Variants in ONECUT3 observed in about 807,000 individuals in gnomAD.
ONECUT3 encodes one cut homeobox 3, also known as one cut domain family member 3.
A neutral mutation model predicts 16.8 loss-of-function variants in ONECUT3; 11 were observed. The ratio of observed to expected loss-of-function variants is 0.66; its 90% CI spans 0.41 to 1.09. ONECUT3 has a LOEUF of 1.09. Ranked by LOEUF, ONECUT3 falls within the 50% of genes least tolerant of loss-of-function variation. The pLI, the probability that ONECUT3 is intolerant of heterozygous loss-of-function variation, is 0.00. For missense variants in ONECUT3, 637 were observed against 629.9 expected (o/e 1.01, Z -0.12); for synonymous variants, 344 against 310.7 (o/e 1.11, Z -1.13).
chr19:1,753,791 C>T lies in ONECUT3; in HGVS notation c.129C>T (p.Arg43=). 1 of 975,490 alleles carries T rather than the reference C, an allele frequency of 1.0e-6. No individual in the cohort carries two copies. Among genetic ancestry groups the T allele is most frequent in the African/African-American group, 1.8e-5 (1 of 56,272 alleles). 60.4% of individuals were successfully genotyped at this position (975,490 alleles called of 1,614,324 possible). A position where few individuals can be genotyped will look rare whatever the true frequency, so the allele number is the denominator to read the frequency against. The stretch of plus-strand genomic sequence containing the variant: ...ACCGCGGCCTGGTGGCGCCCGGGCG[C>T]CCGGGCCTGGTGGCCGGCATGGCGA... ...AQHRGLVAPG[R]PGLVAGMASL... is the part of the protein sequence containing the mutation. Residue 43 remains arginine (R), a synonymous_variant, in exon 1 of 2, where the codon CGC becomes CGT. Coordinates refer to ENST00000382349, the MANE Select transcript of ONECUT3 (RefSeq NM_001080488.2).
Position 1,775,552 on chromosome 19 carries a change from G to A in ONECUT3, c.*107G>A. 2.5e-6 allele frequency: 3 copies of A among 1,182,716 alleles called. No homozygotes were observed. Among genetic ancestry groups the A allele is most frequent in the South Asian group, 1.7e-5 (1 of 57,576 alleles). The allele number at this position is 1,182,716 out of a possible 1,614,324, so 73.3% of individuals were successfully genotyped here. A position where few individuals can be genotyped will look rare whatever the true frequency, so the allele number is the denominator to read the frequency against. On this transcript the variant is annotated 3_prime_UTR_variant, in exon 2 of 2. Transcript: ENST00000382349. ...GGAGACCCGCCCCCAGGGGGCACCT[G>A]GAGGGGGTGCTATCCGGGCCCCCCA... is the stretch of plus-strand genomic sequence containing the variant.
intron 1 of ONECUT3, among the ~76,000 whole-genome samples, chr19:1,763,740 T>TTG (rs1555799421): frequency 0.018 from 2,673 of 148,236 alleles, 78 homozygotes; most frequent in African/African-American, 0.064. Context: ...TTGTTTTTTT[T>TTG]TTTTTTTTAA....
chr19:1,760,890 T>C (rs933595110), intron 1 of ONECUT3, among the ~76,000 whole-genome samples: 1 of 152,148 alleles, frequency 6.6e-6, no homozygotes, highest in African/African-American at 2.4e-5. Flanking sequence ...CCTCTTAGCC[T>C]GAAGTCCTAG....
In ONECUT3 at chr19:1,759,469, G is replaced by A. The variant is rs2067934718; in HGVS notation, c.1192+4615G>A. Among the ~76,000 whole-genome samples the A allele has an allele frequency of 6.6e-6, 1 of 151,892 alleles. No homozygotes were observed. Among genetic ancestry groups the A allele is most frequent in the Non-Finnish European group, 1.5e-5 (1 of 67,936 alleles). On this transcript the variant is annotated intron_variant, in intron 1 of 1. Coordinates refer to ENST00000382349, the MANE Select transcript of ONECUT3 (RefSeq NM_001080488.2). The surrounding 1 kb of genome is among the most constrained non-coding windows in gnomAD (Gnocchi z 4.1). ...ACCCAAACTCTGGATGAAGGGGAGGGATGAGCAGGGAGAGGAGGAGGAGGA... is the reference window on the plus strand; with the variant it reads ...ACCCAAACTCTGGATGAAGGGGAGGAATGAGCAGGGAGAGGAGGAGGAGGA...
rs71174387 is a variant in ONECUT3, at chr19:1,779,984, AC to A, written c.*4546del. 6.7e-5 allele frequency: 10 copies of A among 150,304 alleles called. No homozygotes were observed. The highest frequency in any genetic ancestry group is 8.8e-5 in the Non-Finnish European group (6 of 67,998). 9.3% of individuals were successfully genotyped at this position (150,304 alleles called of 1,614,324 possible). Reference sequence around the variant, plus strand: ...CACTCTGGTGTCATCGATATCTTAGACCCCCCCAACCCCCCATCACCCGGTT... The same window carrying A: ...CACTCTGGTGTCATCGATATCTTAGACCCCCCAACCCCCCATCACCCGGTT... On this transcript the variant is annotated 3_prime_UTR_variant, in exon 2 of 2. Transcript: ENST00000382349.
rs1404596668 is a variant in ONECUT3, at chr19:1,754,494, G to A, written c.832G>A (p.Gly278Arg). Residue 278 changes from glycine (G) to arginine (R), a missense_variant, in exon 1 of 2, where the codon GGG becomes AGG. By Grantham distance (125) the Gly-to-Arg change is moderately radical. Around this residue, in one of 3 missense-constraint regions of ONECUT3, gnomAD observed 419 missense variants for 377.9 expected, o/e 1.11. Transcript: ENST00000382349. The surrounding 1 kb of genome is among the most constrained non-coding windows in gnomAD (Gnocchi z 7.4). ...GGTGSGGAGS[G>R]SAAGLLAPLG... ...CACAGGCAGCGGCGGAGCGGGCAGCGGGAGCGCCGCGGGGCTGCTGGCGCC... is the reference window on the plus strand; with the variant it reads ...CACAGGCAGCGGCGGAGCGGGCAGCAGGAGCGCCGCGGGGCTGCTGGCGCC... 1 of 980,976 alleles carries A rather than the reference G, an allele frequency of 1.0e-6. No homozygotes were observed. Among genetic ancestry groups the A allele is most frequent in the Non-Finnish European group, 1.2e-6 (1 of 828,684 alleles). The allele number at this position is 980,976 out of a possible 1,614,324, so 60.8% of individuals were successfully genotyped here.
rs2068100293 is a variant in ONECUT3, at chr19:1,775,636, T to G, written c.*191T>G. ...CCCAAGTGCACAAAAAGGGCCCCCC[T>G]TCCTCCCTCCATGCCCACTCCCTCC... On this transcript the variant is annotated 3_prime_UTR_variant, in exon 2 of 2. Coordinates refer to ENST00000382349, the MANE Select transcript of ONECUT3 (RefSeq NM_001080488.2). The G allele has an allele frequency of 1.1e-4, 49 of 454,984 alleles. No individual in the cohort carries two copies. The highest frequency in any genetic ancestry group is 5.9e-4 in the Middle Eastern group (1 of 1,694). The allele number at this position is 454,984 out of a possible 1,614,324, so 28.2% of individuals were successfully genotyped here. A position where few individuals can be genotyped will look rare whatever the true frequency, so the allele number is the denominator to read the frequency against.
chr19:1,761,527 G>A (rs1379068574), intron 1 of ONECUT3, among the ~76,000 whole-genome samples: 1 of 152,216 alleles, frequency 6.6e-6, no homozygotes, highest in Non-Finnish European at 1.5e-5. Flanking sequence ...CGTGGATGTG[G>A]GAGGGGACTT....
At chr19:1,765,760 G>C (rs922004597) in intron 1 of ONECUT3, among the ~76,000 whole-genome samples, 3 of 152,194 alleles carry the variant, frequency 2.0e-5, no homozygotes, top group African/African-American at 7.2e-5. Flanking sequence ...AGAGGCCAGG[G>C]TGCGCGTTCA....
Position 1,780,251 on chromosome 19 carries a change from G to A in ONECUT3, c.*4806G>A, listed in dbSNP as rs1020014888. The A allele has an allele frequency of 4.1e-5, 6 of 145,992 alleles. No homozygotes were observed. Among genetic ancestry groups the A allele is most frequent in the Admixed American group, 6.8e-5 (1 of 14,694 alleles). The allele number at this position is 145,992 out of a possible 1,614,324, so 9.0% of individuals were successfully genotyped here. ...ATGAGTCCGCCTTTCTGTCCAGCCC[G>A]GGAGGCAGGGGGTGTACGCCTGCAG... On this transcript the variant is annotated 3_prime_UTR_variant, in exon 2 of 2. Coordinates refer to ENST00000382349, the MANE Select transcript of ONECUT3 (RefSeq NM_001080488.2).
rs1255546735 is a variant in ONECUT3 at position 1,759,381 on chromosome 19, G to A, written c.1192+4527G>A. On this transcript the variant is annotated intron_variant, in intron 1 of 1. Coordinates refer to ENST00000382349, the MANE Select transcript of ONECUT3 (RefSeq NM_001080488.2). This position sits in a 1 kb window ranked among gnomAD's most constrained non-coding sequence, Gnocchi z 4.1. ...AAGGGCTGAGGTTGAAATGGGCGAG[G>A]CAATCTGGGAGTCCCCCTTAAAGGG... Among the ~76,000 whole-genome samples, 1 of 151,754 alleles carries A rather than the reference G, an allele frequency of 6.6e-6. No homozygotes were observed. The highest frequency in any genetic ancestry group is 1.5e-5 in the Non-Finnish European group (1 of 67,936).
At chr19:1,763,524 CAA>C (rs1435552601) in intron 1 of ONECUT3, among the ~76,000 whole-genome samples, 3 of 151,876 alleles carry the variant, frequency 2.0e-5, no homozygotes, top group African/African-American at 7.2e-5. Context: ...CCAGCCTGGG[CAA>C]CACAGGCTGA....
chr19:1,763,077 G>A (rs1177738016), intron 1 of ONECUT3, among the ~76,000 whole-genome samples: 4 of 151,932 alleles, frequency 2.6e-5, no homozygotes, highest in African/African-American at 9.7e-5. Flanking sequence ...AAATTAGCCA[G>A]ATGTGGCCGG....
chr19:1,774,813 A>G (rs1431887481), intron 1 of ONECUT3, among the ~76,000 whole-genome samples: 2 of 93,550 alleles, frequency 2.1e-5, no homozygotes, highest in African/African-American at 8.3e-5. Flanking sequence ...CCCCACCCCC[A>G]CCGCATCTGC....
intron 1 of ONECUT3, among the ~76,000 whole-genome samples, chr19:1,769,760 G>A (rs1488832301): frequency 1.3e-5 from 2 of 152,110 alleles, no homozygotes; most frequent in African/African-American, 4.8e-5. Flanking sequence ...GCTCCGACTG[G>A]ATCGATCTGG....
At position 1,759,774 on chromosome 19, in the gene ONECUT3, G is replaced by T. The variant is rs1407160816; in HGVS notation, c.1192+4920G>T. Among the ~76,000 whole-genome samples the T allele has an allele frequency of 6.6e-6, 1 of 152,180 alleles. No homozygotes were observed. Among genetic ancestry groups the T allele is most frequent in the Admixed American group, 6.5e-5 (1 of 15,284 alleles). On this transcript the variant is annotated intron_variant, in intron 1 of 1. Coordinates refer to ENST00000382349, the MANE Select transcript of ONECUT3 (RefSeq NM_001080488.2). The surrounding 1 kb of genome is among the most constrained non-coding windows in gnomAD (Gnocchi z 4.1). ...CAGAATGAAATGACGCCTAGGAGAG[G>T]GGGTATGAGGGGCTGGAGGGGCTCA... is the stretch of plus-strand genomic sequence containing the variant.
chr19:1,763,830 C>T (rs186877207), intron 1 of ONECUT3, among the ~76,000 whole-genome samples: 2 of 151,418 alleles, frequency 1.3e-5, no homozygotes, highest in East Asian at 3.9e-4. Flanking sequence ...TCATTTTTGC[C>T]GGCCGCCTAG....
rs765709157 is a variant in ONECUT3, at chr19:1,775,251, G to T, written c.1291G>T (p.Ala431Ser). The T allele has an allele frequency of 1.3e-6, 2 of 1,597,120 alleles. No individual in the cohort carries two copies. Among genetic ancestry groups the T allele is most frequent in the Non-Finnish European group, 1.7e-6 (2 of 1,172,080 alleles). ...FTDLQRRTLI[A>S]IFKENKRPSK... Reference sequence around the variant, plus strand: ...CGACCTGCAGCGACGCACGCTGATCGCCATCTTCAAGGAGAACAAGCGGCC... The same window carrying T: ...CGACCTGCAGCGACGCACGCTGATCTCCATCTTCAAGGAGAACAAGCGGCC... The change falls in exon 2 of 2, where the codon GCC becomes TCC. Residue 431 changes from alanine to serine, a missense_variant. Physicochemically the swap from Ala to Ser is moderately conservative, Grantham distance 99. Transcript: ENST00000382349.
In ONECUT3 at chr19:1,753,859, GGGGCGCGGGCGGCGC is replaced by G. The variant is rs1420393006; in HGVS notation, c.202_216del (p.Ala68_Gly72del). ...GGCGGCGGCGGCGGTGGGGGCGCCG[GGGGCGCGGGCGGCGC>G]GGGCAGCGCGGGCGGCGGCGCGGAC... On this transcript the variant is annotated inframe_deletion, in exon 1 of 2. Coordinates refer to ENST00000382349, the MANE Select transcript of ONECUT3 (RefSeq NM_001080488.2). The G allele has an allele frequency of 1.0e-6, 1 of 975,094 alleles. No individual in the cohort carries two copies. The highest frequency in any genetic ancestry group is 1.2e-6 in the Non-Finnish European group (1 of 823,758). 60.4% of individuals were successfully genotyped at this position (975,094 alleles called of 1,614,324 possible).
Sources: gnomAD v4.1 joint callset for allele counts (sites outside exome capture counted in the v4.1 genomes callset) on GRCh38, gnomAD v4.1.1 for gene constraint, gnomAD v4.1.1 regional missense constraint, Gnocchi (gnomAD v3.1) non-coding constraint, MANE v1.5 for transcripts, NCBI Gene and HGNC (gene_info 2026-07-23, HGNC 2026-07-21) for gene names.